DEPDC1B: variants seen among roughly 807,000 people sequenced by gnomAD.
The protein encoded by DEPDC1B is DEP domain-containing protein 1B.
In DEPDC1B, 51 loss-of-function variants were observed where a neutral mutation model predicts 66.5. The observed-to-expected ratio is 0.77, with a 90% CI of 0.61 to 0.97. The LOEUF (loss-of-function observed/expected upper bound fraction) is 0.97, where lower values mean the gene tolerates loss of function less well. Among genes scored for constraint, DEPDC1B ranks in the 50% least tolerant of loss-of-function variants. The pLI is 0.00. For missense variants in DEPDC1B, 552 were observed against 637.1 expected, an observed-to-expected ratio of 0.87 and a Z score of 1.44; for synonymous variants, 226 against 223.6, an observed-to-expected ratio of 1.01 and a Z score of -0.10.
intron 2 of DEPDC1B, among the ~76,000 whole-genome samples, chr5:60,658,410 T>C (rs995073792): frequency 5.9e-5 from 9 of 152,226 alleles, no homozygotes; most frequent in African/African-American, 1.9e-4. Flanking sequence ...CTGCTTCCTT[T>C]TCATTTGTGT....
At chr5:60,607,056 G>A (rs1752325673) in intron 7 of DEPDC1B, among the ~76,000 whole-genome samples, 3 of 152,194 alleles carry the variant, frequency 2.0e-5, no homozygotes, top group Admixed American at 2.0e-4. Context: ...AAGAGCTTAT[G>A]CACTGTGAGG....
At chr5:60,613,554 T>C (rs1051965667) in intron 7 of DEPDC1B, among the ~76,000 whole-genome samples, 6 of 151,948 alleles carry the variant, frequency 3.9e-5, no homozygotes, top group African/African-American at 9.7e-5. Flanking sequence ...AAGACAACAA[T>C]AGAGATGTGT....
intron 2 of DEPDC1B, among the ~76,000 whole-genome samples, chr5:60,660,461 T>C (rs374677341): frequency 3.7e-4 from 57 of 152,310 alleles, no homozygotes; most frequent in African/African-American, 1.3e-3. Context: ...AATACCACTT[T>C]GTTGTCAGTA....
chr5:60,597,690 C>T lies in DEPDC1B; in HGVS notation c.*63G>A, dbSNP rs1752123058. 4 of 1,529,894 alleles carry T rather than the reference C, an allele frequency of 2.6e-6. No individual in the cohort carries two copies. The highest frequency in any genetic ancestry group is 2.3e-5 in the Admixed American group (1 of 44,132). 94.8% of individuals were successfully genotyped at this position (1,529,894 alleles called of 1,614,324 possible). A position where few individuals can be genotyped will look rare whatever the true frequency, so the allele number is the denominator to read the frequency against. On this transcript the variant is annotated 3_prime_UTR_variant, in exon 11 of 11. Coordinates refer to ENST00000265036, the MANE Select transcript of DEPDC1B (RefSeq NM_018369.3). ...TTCTTCCACCACCAAAGTCTTTCTC[C>T]TAACCACCATTCACTCAAAACAACA...
At chr5:60,631,659 T>C (rs1480414391) in intron 7 of DEPDC1B, among the ~76,000 whole-genome samples, 2 of 152,250 alleles carry the variant, frequency 1.3e-5, no homozygotes, top group South Asian at 2.1e-4. Flanking sequence ...TGGGTCCTAT[T>C]AGCACAGATA....
At chr5:60,683,230 G>C (rs1299139793) in intron 2 of DEPDC1B, among the ~76,000 whole-genome samples, 2 of 152,156 alleles carry the variant, frequency 1.3e-5, no homozygotes, top group Non-Finnish European at 2.9e-5. Context: ...AGGGGTTCAA[G>C]ACCAGCCTGG....
At chr5:60,636,064 C>T (rs1310712137) in intron 7 of DEPDC1B, among the ~76,000 whole-genome samples, 1 of 152,118 alleles carries the variant, frequency 6.6e-6, no homozygotes, top group East Asian at 1.9e-4. Flanking sequence ...TGCTACACAT[C>T]TCAACAGACT....
chr5:60,615,608 CA>C (rs1276610362), intron 7 of DEPDC1B, among the ~76,000 whole-genome samples: 1 of 152,212 alleles, frequency 6.6e-6, no homozygotes, highest in Non-Finnish European at 1.5e-5. Context: ...GAGGGGCGCC[CA>C]CCATTGCCCA....
chr5:60,624,451 T>G (rs1332134307), intron 7 of DEPDC1B, among the ~76,000 whole-genome samples: 2 of 152,212 alleles, frequency 1.3e-5, no homozygotes. Context: ...TGCTACAATT[T>G]TTTTGTGTAA....
intron 2 of DEPDC1B, among the ~76,000 whole-genome samples, chr5:60,677,324 ACACTCTCT>A (rs1415428895): frequency 6.0e-4 from 47 of 78,828 alleles, no homozygotes; most frequent in Middle Eastern, 6.8e-3. Context: ...ACACACACAC[ACACTCTCT>A]CTCTCTCTCT....
intron 2 of DEPDC1B, among the ~76,000 whole-genome samples, chr5:60,663,653 C>T (rs1298724357): frequency 2.6e-5 from 4 of 152,208 alleles, no homozygotes; most frequent in Non-Finnish European, 5.9e-5. Flanking sequence ...GGATAGCCCC[C>T]ATCTATTTGG....
intron 7 of DEPDC1B, among the ~76,000 whole-genome samples, chr5:60,621,897 T>C (rs919943795): frequency 6.6e-6 from 1 of 152,162 alleles, no homozygotes; most frequent in African/African-American, 2.4e-5. Context: ...ATGCTTACCG[T>C]CATATGATAT....
chr5:60,669,549 A>G (rs771469511), intron 2 of DEPDC1B, among the ~76,000 whole-genome samples: 15 of 152,206 alleles, frequency 9.9e-5, no homozygotes, highest in Non-Finnish European at 1.9e-4. Flanking sequence ...CTGTAAACCC[A>G]TTCAACATAT....
At chr5:60,680,262 T>C (rs1414640829) in intron 2 of DEPDC1B, among the ~76,000 whole-genome samples, 1 of 152,216 alleles carries the variant, frequency 6.6e-6, no homozygotes, top group Admixed American at 6.5e-5. Context: ...TAGTAATTGC[T>C]GTTGGTTAAC....
At chr5:60,651,534 A>G (rs949037966) in intron 2 of DEPDC1B, among the ~76,000 whole-genome samples, 5 of 148,314 alleles carry the variant, frequency 3.4e-5, no homozygotes, top group Non-Finnish European at 7.4e-5. Context: ...CCACCTAAAA[A>G]AAAAACAAAA....
chr5:60,624,232 T>G (rs1263544943), intron 7 of DEPDC1B, among the ~76,000 whole-genome samples: 1 of 152,236 alleles, frequency 6.6e-6, no homozygotes, highest in Non-Finnish European at 1.5e-5. Context: ...ATACATTTTC[T>G]GCAATCGTTG....
chr5:60,679,077 T>A (rs935356018), intron 2 of DEPDC1B, among the ~76,000 whole-genome samples: 1 of 152,236 alleles, frequency 6.6e-6, no homozygotes, highest in African/African-American at 2.4e-5. Context: ...ATAAGGTTTA[T>A]GTTGAGGTTC....
rs1256485253 is a variant in DEPDC1B, at chr5:60,653,342, T to C, written c.315-5809A>G. On this transcript the variant is annotated intron_variant, in intron 2 of 10. Transcript: ENST00000265036. ...ATTGCGGTTTTGATTTGCATTTCCC[T>C]CATCGTTAGTAATGTTGACCATTTT... is the stretch of plus-strand genomic sequence containing the variant. Among the ~76,000 whole-genome samples, 2 of 134,790 alleles carry C rather than the reference T, an allele frequency of 1.5e-5. 1 individual carries two copies. Among genetic ancestry groups the C allele is most frequent in the Non-Finnish European group, 3.0e-5 (2 of 65,748 alleles). The allele number at this position is 134,790 out of a possible 152,430, so 88.4% of individuals were successfully genotyped here.
intron 2 of DEPDC1B, among the ~76,000 whole-genome samples, chr5:60,656,224 G>A (rs1479022478): frequency 3.4e-5 from 5 of 149,038 alleles, no homozygotes; most frequent in African/African-American, 5.0e-5. Flanking sequence ...ACAGTGGTGC[G>A]ATTTTGGCTC....
Sources: allele counts gnomAD v4.1 joint callset (sites outside exome capture counted in the v4.1 genomes callset), GRCh38; gene constraint gnomAD v4.1.1; transcripts MANE v1.5; gene names NCBI Gene and HGNC (gene_info 2026-07-23, HGNC 2026-07-21).